FRMPD1: variants seen among roughly 807,000 people sequenced by gnomAD.
The protein encoded by FRMPD1 is FERM and PDZ domain-containing protein 1.
In FRMPD1, 76 loss-of-function variants were observed where a neutral mutation model predicts 117.8. The ratio of observed to expected loss-of-function variants is 0.65; its 90% CI spans 0.54 to 0.78. FRMPD1 has a LOEUF of 0.78. Ranked by LOEUF, FRMPD1 falls within the 30% of genes least tolerant of loss-of-function variation. The pLI is 0.00. For synonymous variants in FRMPD1, 783 were observed against 770.4 expected (o/e 1.02, Z -0.27); for missense variants, 1,786 against 1,964.5 (o/e 0.91, Z 1.72).
intron 2 of FRMPD1, among the ~76,000 whole-genome samples, chr9:37,697,063 C>T (rs565491484): frequency 2.0e-5 from 3 of 152,192 alleles, no homozygotes; most frequent in Admixed American, 6.5e-5. Flanking sequence ...TTCAAAGTTC[C>T]TGTGATTTCT....
At chr9:37,605,706 A>ATTTG in the FRMPD1 span, among the ~76,000 whole-genome samples, 1 of 151,048 alleles carries the variant, frequency 6.6e-6, no homozygotes, top group African/African-American at 2.4e-5. Flanking sequence ...TTATTTATTT[A>ATTTG]TTTATTTATT....
the FRMPD1 span, among the ~76,000 whole-genome samples, chr9:37,632,998 A>G: frequency 7.0e-6 from 1 of 142,602 alleles, no homozygotes; most frequent in Non-Finnish European, 1.5e-5. Context: ...ATATATACAT[A>G]TATTTCTTTC....
At chr9:37,662,156 C>T (rs1264218879) in intron 1 of FRMPD1, 1 of 152,210 alleles carries the variant, frequency 6.6e-6, no homozygotes, top group Non-Finnish European at 1.5e-5. Flanking sequence ...CGGTATCTTT[C>T]ATGAGCCTTC....
At chr9:37,619,211 C>T in the FRMPD1 span, among the ~76,000 whole-genome samples, 11 of 152,078 alleles carry the variant, frequency 7.2e-5, no homozygotes, top group Middle Eastern at 0.014. Flanking sequence ...CATTTTTTTT[C>T]CATGTAAACC....
At chr9:37,735,119 A>G (rs527450585) in intron 12 of FRMPD1, among the ~76,000 whole-genome samples, 1 of 152,364 alleles carries the variant, frequency 6.6e-6, no homozygotes, top group African/African-American at 2.4e-5. Context: ...GTGCTAGTAG[A>G]GAAGTAAGAG....
At chr9:37,688,155 A>G (rs913787412) in intron 1 of FRMPD1, among the ~76,000 whole-genome samples, 4 of 151,312 alleles carry the variant, frequency 2.6e-5, no homozygotes, top group Non-Finnish European at 4.4e-5. Flanking sequence ...TTTCCTATAT[A>G]TACAAGAAAT....
the FRMPD1 span, among the ~76,000 whole-genome samples, chr9:37,634,129 A>G: frequency 6.6e-6 from 1 of 152,238 alleles, no homozygotes; most frequent in Non-Finnish European, 1.5e-5. Flanking sequence ...ACCCATAGAA[A>G]TAATAGAAAC....
intron 1 of FRMPD1, among the ~76,000 whole-genome samples, chr9:37,670,480 C>T (rs545421469): frequency 2.0e-5 from 3 of 152,130 alleles, no homozygotes; most frequent in East Asian, 3.9e-4. Flanking sequence ...AGAGTTTGGG[C>T]GTGGGTAAAT....
chr9:37,684,040 C>T (rs182653797), intron 1 of FRMPD1, among the ~76,000 whole-genome samples: 5 of 139,970 alleles, frequency 3.6e-5, no homozygotes, highest in Non-Finnish European at 6.1e-5. Context: ...ATAAAGTTGG[C>T]GGGTAGGCAG....
At chr9:37,685,516 G>T (rs761252770) in intron 1 of FRMPD1, among the ~76,000 whole-genome samples, 1 of 152,090 alleles carries the variant, frequency 6.6e-6, no homozygotes, top group South Asian at 2.1e-4. Flanking sequence ...GCCGGGCGTG[G>T]TGGCGGGCGC....
At chr9:37,718,043 A>G (rs1257568483) in intron 5 of FRMPD1, among the ~76,000 whole-genome samples, 1 of 152,150 alleles carries the variant, frequency 6.6e-6, no homozygotes, top group Non-Finnish European at 1.5e-5. Context: ...AAAGCAAATT[A>G]TATATTTGAG....
chr9:37,619,286 C>T, the FRMPD1 span, among the ~76,000 whole-genome samples: 1 of 152,124 alleles, frequency 6.6e-6, no homozygotes, highest in Non-Finnish European at 1.5e-5. Context: ...ATTCACAACC[C>T]GGGCCTATAA....
intron 2 of FRMPD1, among the ~76,000 whole-genome samples, chr9:37,699,320 TC>T (rs1358234727): frequency 1.5e-5 from 2 of 130,466 alleles, no homozygotes; most frequent in African/African-American, 2.6e-5. Flanking sequence ...TCTGTCTCTC[TC>T]TTTTTTTTTT....
chr9:37,619,917 A>G, the FRMPD1 span, among the ~76,000 whole-genome samples: 3,919 of 99,298 alleles, frequency 0.039, 165 homozygotes, highest in African/African-American at 0.17. Context: ...TAGACAGGGG[A>G]AAAAAAAAAA....
intron 5 of FRMPD1, chr9:37,715,543 CAA>C (rs1441625389): frequency 1.2e-5 from 5 of 431,178 alleles, no homozygotes; most frequent in African/African-American, 6.1e-5. Context: ...AAAACATGCA[CAA>C]AGAGATTTTA....
chr9:37,717,774 T>C (rs1412526221), intron 5 of FRMPD1, among the ~76,000 whole-genome samples: 2 of 152,180 alleles, frequency 1.3e-5, no homozygotes, highest in Non-Finnish European at 2.9e-5. Flanking sequence ...TGACCATCTT[T>C]AGTCTCCTAA....
At chr9:37,607,902 T>C in the FRMPD1 span, among the ~76,000 whole-genome samples, 5 of 152,324 alleles carry the variant, frequency 3.3e-5, no homozygotes, top group East Asian at 7.7e-4. Context: ...ACTGAATAAA[T>C]TAATAGACGA....
chr9:37,717,299 A>C (rs2118232267), intron 5 of FRMPD1, among the ~76,000 whole-genome samples: 1 of 146,312 alleles, frequency 6.8e-6, no homozygotes, highest in Middle Eastern at 3.5e-3. Flanking sequence ...CCGAGAAAAA[A>C]AAAATATATA....
intron 2 of FRMPD1, 28 bp from the exon 3 acceptor site, chr9:37,707,388 T>TC: frequency 6.2e-7 from 1 of 1,607,388 alleles, no homozygotes; most frequent in Non-Finnish European, 8.5e-7. Context: ...CTTCTCTTTC[T>TC]CTTTTTTACA....
Sources: allele counts gnomAD v4.1 joint callset (sites outside exome capture counted in the v4.1 genomes callset), GRCh38; gene constraint gnomAD v4.1.1; transcripts MANE v1.5; gene names NCBI Gene and HGNC (gene_info 2026-07-23, HGNC 2026-07-21).